Variants in SLC16A3 observed in about 807,000 individuals in gnomAD.
SLC16A3 encodes the protein monocarboxylate transporter 4.
SLC16A3 carries 22 observed loss-of-function variants against 25.0 expected under a neutral mutation model. The ratio of observed to expected loss-of-function variants is 0.88; its 90% CI spans 0.63 to 1.26. The LOEUF (loss-of-function observed/expected upper bound fraction) is 1.26, where lower values mean the gene tolerates loss of function less well. Ranked by LOEUF, SLC16A3 falls within the 50% of genes most tolerant of loss-of-function variation. The probability of loss-of-function intolerance (pLI) is 0.00; values close to 1 mark genes in which losing one functional copy is unlikely to be tolerated. For synonymous variants in SLC16A3, 390 were observed against 309.2 expected (o/e 1.26, Z -2.74); for missense variants, 731 against 666.6 (o/e 1.10, Z -1.06).
At chr17:82,224,627 T>C (rs1358321346), upstream of SLC16A3, among the ~76,000 whole-genome samples, 3 of 84,480 alleles carry the variant, frequency 3.6e-5, no homozygotes, top group Non-Finnish European at 6.8e-5. Flanking sequence ...CCTACACCTG[T>C]GCAGTCACCT....
intron 1 of SLC16A3, among the ~76,000 whole-genome samples, chr17:82,220,011 G>A (rs2050379593): frequency 6.6e-6 from 1 of 152,160 alleles, no homozygotes; most frequent in South Asian, 2.1e-4. Context: ...AGGGCCGGGG[G>A]GGCCCTTTCA....
rs1294844420 is a variant in SLC16A3 at position 82,239,524 on chromosome 17, T to G, written c.*548T>G. ...ATGTGGTTTTGCTGTGTGGCCTGTGTCCTGACTCGCACGTCTGCTGATGGC... is the reference window on the plus strand; with the variant it reads ...ATGTGGTTTTGCTGTGTGGCCTGTGGCCTGACTCGCACGTCTGCTGATGGC... On this transcript the variant is annotated 3_prime_UTR_variant, in exon 5 of 5. Transcript: ENST00000582743. 2 of 175,050 alleles carry G rather than the reference T, an allele frequency of 1.1e-5. No individual in the cohort carries two copies. Among genetic ancestry groups the G allele is most frequent in the East Asian group, 3.2e-4 (2 of 6,344 alleles). The allele number at this position is 175,050 out of a possible 1,614,324, so 10.8% of individuals were successfully genotyped here.
At chr17:82,218,461 C>T (rs112035169) in intron 1 of SLC16A3, among the ~76,000 whole-genome samples, 1 of 96,200 alleles carries the variant, frequency 1.0e-5, no homozygotes, top group Non-Finnish European at 2.1e-5. Flanking sequence ...TCGGTCACTG[C>T]GGGGTGGACG....
chr17:82,236,564 A>G (rs2147129240), intron 2 of SLC16A3, 165 bp from the exon 3 acceptor site: 3 of 996,418 alleles, frequency 3.0e-6, no homozygotes, highest in South Asian at 1.6e-5. Context: ...CTCACGTGTC[A>G]TCATGGCCTG....
intron 4 of SLC16A3, among the ~76,000 whole-genome samples, chr17:82,238,271 C>G (rs188906125): frequency 6.6e-6 from 1 of 152,338 alleles, no homozygotes; most frequent in East Asian, 1.9e-4. Flanking sequence ...TAAGTTCTGA[C>G]TGGAGCAGCC....
At chr17:82,228,825 C>T (rs2050446992), upstream of SLC16A3, among the ~76,000 whole-genome samples, 1 of 151,336 alleles carries the variant, frequency 6.6e-6, no homozygotes, top group South Asian at 2.1e-4. Flanking sequence ...AGCTCCGGGC[C>T]GGGGGCGCCG....
intron 1 of SLC16A3, among the ~76,000 whole-genome samples, chr17:82,233,101 G>T (rs1158123484): frequency 3.9e-5 from 6 of 152,182 alleles, no homozygotes; most frequent in African/African-American, 1.4e-4. Flanking sequence ...GATGGGGAGT[G>T]TGGGCCATTA....
chr17:82,239,125 G>C lies in SLC16A3; in HGVS notation c.*149G>C, dbSNP rs1025984443. The C allele has an allele frequency of 1.4e-6, 1 of 732,844 alleles. No homozygotes were observed. Among genetic ancestry groups the C allele is most frequent in the Non-Finnish European group, 2.1e-6 (1 of 476,088 alleles). The allele number at this position is 732,844 out of a possible 1,614,324, so 45.4% of individuals were successfully genotyped here. On this transcript the variant is annotated 3_prime_UTR_variant, in exon 5 of 5. Coordinates refer to ENST00000582743, the MANE Select transcript of SLC16A3 (RefSeq NM_004207.4). ...GATCGTCGCCCGATCAGTGTTTTGA[G>C]GGGGAAGGTGGCGGGGTGGGAACCG... is the stretch of plus-strand genomic sequence containing the variant.
At position 82,237,674 on chromosome 17, in the gene SLC16A3, A is replaced by G. The variant is rs1359896195; in HGVS notation, c.904A>G (p.Met302Val). Residue 302 changes from methionine to valine, a missense_variant, in exon 4 of 5, where the codon ATG (methionine) becomes GTG (valine). By Grantham distance (21) the Met-to-Val change is conservative. Transcript: ENST00000582743. ...CTCCGTCTACCTCTTCAGCTTCTCC[A>G]TGTTCTTCAACGGCCTCGCGGACCT... is the stretch of plus-strand genomic sequence containing the variant. ...PYSVYLFSFS[M>V]FFNGLADLAG... 9.9e-6 allele frequency: 16 copies of G among 1,612,586 alleles called. No individual in the cohort carries two copies. The highest frequency in any genetic ancestry group is 1.7e-5 in the Admixed American group (1 of 59,984).
rs1216981568 is a variant in SLC16A3, at chr17:82,223,355, G to T, written c.-27+5171G>T. Among the ~76,000 whole-genome samples the T allele has an allele frequency of 4.6e-5, 7 of 151,996 alleles. No homozygotes were observed. In the East Asian group the frequency reaches 1.3e-3, roughly 29 times the overall value. ...GTGCCATGACGCCTGGCTAATTTTT[G>T]TATTTTTGGTAGAGATTGGCCAGGC... On this transcript the variant is annotated intron_variant, in intron 1 of 4. Coordinates refer to the SLC16A3 transcript ENST00000580098.
rs755088628 is a variant in SLC16A3, at chr17:82,237,538, G to A, written c.768G>A (p.Leu256=). The A allele has an allele frequency of 6.2e-7, 1 of 1,611,586 alleles. No homozygotes were observed. The highest frequency in any genetic ancestry group is 8.5e-7 in the Non-Finnish European group (1 of 1,179,192). The stretch of plus-strand genomic sequence containing the variant: ...TCGTGGTGAGCTACGCCAAGGACCT[G>A]GGCGTGCCCGACACCAAGGCCGCCT... ...PVFVVSYAKD[L]GVPDTKAAFL... Residue 256 remains leucine (L), a synonymous_variant, in exon 4 of 5, where the codon CTG becomes CTA. Coordinates refer to ENST00000582743, the MANE Select transcript of SLC16A3 (RefSeq NM_004207.4).
intron 4 of SLC16A3, 132 bp downstream of exon 4, chr17:82,238,025 T>C (rs1599562020): frequency 9.3e-7 from 1 of 1,074,500 alleles, no homozygotes; most frequent in Non-Finnish European, 1.3e-6. Flanking sequence ...GGGTGCACTG[T>C]GCTGGACCAA....
intron 4 of SLC16A3, 115 bp from the exon 5 acceptor site, chr17:82,238,587 G>C: frequency 9.2e-7 from 1 of 1,089,824 alleles, no homozygotes; most frequent in East Asian, 2.7e-5. Context: ...CACAAGCTCA[G>C]AGGCAGACAG....
In SLC16A3 at chr17:82,236,289, G is replaced by A. The variant is rs1017247619; in HGVS notation, c.223+58G>A. ...GGGGCTCTGCTGGCGGATCCTGCTG[G>A]GCGCGTGTAGCTGGGCTCAGCAACA... On this transcript the variant is annotated intron_variant, in intron 2 of 4. Coordinates refer to ENST00000582743, the MANE Select transcript of SLC16A3 (RefSeq NM_004207.4). 8 of 1,502,464 alleles carry A rather than the reference G, an allele frequency of 5.3e-6. No homozygotes were observed. The African/African-American group carries it at 9.6e-5, about 18-fold the overall frequency. 93.1% of individuals were successfully genotyped at this position (1,502,464 alleles called of 1,614,324 possible).
chr17:82,220,617 A>AT (rs935920277), intron 1 of SLC16A3, among the ~76,000 whole-genome samples: 5 of 151,962 alleles, frequency 3.3e-5, no homozygotes, highest in Admixed American at 1.3e-4. Flanking sequence ...TCTAAAAAAA[A>AT]TTTTTTTTAA....
At chr17:82,234,235 T>C (rs2050558424) in intron 1 of SLC16A3, 1 of 152,384 alleles carries the variant, frequency 6.6e-6, no homozygotes. Context: ...GGACCTACCC[T>C]GCTGCTCAGT....
At chr17:82,236,689 G>A in intron 2 of SLC16A3, 40 bp from the exon 3 acceptor site, 1 of 1,586,180 alleles carries the variant, frequency 6.3e-7, no homozygotes, top group African/African-American at 1.3e-5. Context: ...GGGTAGAGCT[G>A]GCTGCAGGCC....
rs1351758082 is a variant in SLC16A3, at chr17:82,239,692, C to T, written c.*716C>T. 17 of 347,440 alleles carry T rather than the reference C, an allele frequency of 4.9e-5. No homozygotes were observed. The East Asian group carries it at 6.0e-4, about 12-fold the overall frequency. 21.5% of individuals were successfully genotyped at this position (347,440 alleles called of 1,614,324 possible). ...TGCCAGGGTGGCCTCTGAAATGTGC[C>T]AGGGAGCCCCTACGTGGTGGTTAGA... is the stretch of plus-strand genomic sequence containing the variant. On this transcript the variant is annotated 3_prime_UTR_variant, in exon 5 of 5. Coordinates refer to ENST00000582743, the MANE Select transcript of SLC16A3 (RefSeq NM_004207.4).
rs765079266 is a variant in SLC16A3, at chr17:82,237,685, C to T, written c.915C>T (p.Asn305=). ...VYLFSFSMFF[N]GLADLAGSTA... is the part of the protein sequence containing the mutation. ...TCTTCAGCTTCTCCATGTTCTTCAA[C>T]GGCCTCGCGGACCTGGCGGGTTCTA... The change falls in exon 4 of 5, where the codon AAC becomes AAT. Residue 305 remains asparagine, a synonymous_variant. Coordinates refer to ENST00000582743, the MANE Select transcript of SLC16A3 (RefSeq NM_004207.4). 55 of 1,612,698 alleles carry T rather than the reference C, an allele frequency of 3.4e-5. No homozygotes were observed. Among genetic ancestry groups the T allele is most frequent in the South Asian group, 9.9e-5 (9 of 91,072 alleles).
Sources: gnomAD v4.1 joint callset for allele counts (sites outside exome capture counted in the v4.1 genomes callset) on GRCh38, gnomAD v4.1.1 for gene constraint, MANE v1.5 for transcripts, NCBI Gene and HGNC (gene_info 2026-07-23, HGNC 2026-07-21) for gene names.